Variants in HK2 observed in about 807,000 individuals in gnomAD.
HK2 encodes the protein hexokinase-2.
In HK2, 42 loss-of-function variants were observed where a neutral mutation model predicts 92.9. That is an observed-to-expected ratio of 0.45 (90% CI 0.35 to 0.58). The LOEUF (loss-of-function observed/expected upper bound fraction) is 0.58, where lower values mean the gene tolerates loss of function less well. HK2 is among the 20% of genes least tolerant of loss of function. The pLI is 0.00. For synonymous variants in HK2, 422 were observed against 468.0 expected, an observed-to-expected ratio of 0.90 and a Z score of 1.27; for missense variants, 978 against 1,245.1, an observed-to-expected ratio of 0.79 and a Z score of 3.23.
Position 74,880,585 on chromosome 2 carries a change from G to T in HK2, c.1570+16G>T. 3 of 1,611,016 alleles carry T rather than the reference G, an allele frequency of 1.9e-6. No homozygotes were observed. The highest frequency in any genetic ancestry group is 2.5e-6 in the Non-Finnish European group (3 of 1,178,084). ...GACGGCACAGGTACACGGCAGGGTTGCCACCTGGCTCACATGGTGGGCCTT... is the reference window on the plus strand; with the variant it reads ...GACGGCACAGGTACACGGCAGGGTTTCCACCTGGCTCACATGGTGGGCCTT... On this transcript the variant is annotated intron_variant, in intron 10 of 17. Transcript: ENST00000290573.
chr2:74,887,960 C>T lies in HK2; in HGVS notation c.2277C>T (p.Ile759=), dbSNP rs145772624. Residue 759 remains isoleucine, a synonymous_variant, in exon 16 of 18, where the codon ATC becomes ATT. Transcript: ENST00000290573. The part of the protein sequence containing the change: ...YLGEIVRNIL[I]DFTKRGLLFR... ...GTGAGATTGTCCGTAACATTCTCAT[C>T]GATTTCACCAAGCGTGGACTACTCT... 1.1e-4 allele frequency: 183 copies of T among 1,614,022 alleles called. No individual in the cohort carries two copies. In the African/African-American group the frequency reaches 2.2e-3, roughly 20 times the overall value.
At chr2:74,844,818 C>CTGT in intron 1 of HK2, among the ~76,000 whole-genome samples, 1 of 152,170 alleles carries the variant, frequency 6.6e-6, no homozygotes, top group East Asian at 1.9e-4. Context: ...GAGCAAGGCC[C>CTGT]GACACAGAGC....
intron 1 of HK2, among the ~76,000 whole-genome samples, chr2:74,851,690 G>T (rs1558790642): frequency 2.0e-5 from 3 of 152,164 alleles, no homozygotes; most frequent in Non-Finnish European, 4.4e-5. Flanking sequence ...GGGGCACCAA[G>T]AAGCTTCTGG....
intron 2 of HK2, among the ~76,000 whole-genome samples, chr2:74,858,066 A>G (rs1032943703): frequency 2.6e-5 from 4 of 152,312 alleles, no homozygotes; most frequent in Non-Finnish European, 4.4e-5. Context: ...ATCTAGAGGG[A>G]GCCAATTTTT....
At chr2:74,890,250 C>G (rs1329808896) in intron 17 of HK2, among the ~76,000 whole-genome samples, 1 of 152,230 alleles carries the variant, frequency 6.6e-6, no homozygotes, top group African/African-American at 2.4e-5. Context: ...TCACAACTCT[C>G]TCTTTCTCTG....
At chr2:74,874,126 T>C (rs1689166448) in intron 6 of HK2, 140 bp from the exon 7 acceptor site, 1 of 1,087,142 alleles carries the variant, frequency 9.2e-7, no homozygotes, top group Non-Finnish European at 1.4e-6. Context: ...GATTAGACCA[T>C]GTATTGTGAT....
Position 74,887,995 on chromosome 2 carries a change from G to A in HK2, c.2312G>A (p.Arg771His), listed in dbSNP as rs761032136. 9.3e-6 allele frequency: 15 copies of A among 1,614,036 alleles called. No homozygotes were observed. Among genetic ancestry groups the A allele is most frequent in the African/African-American group, 5.3e-5 (4 of 74,938 alleles). Residue 771 changes from arginine (R) to histidine (H), a missense_variant, in exon 16 of 18, where the codon CGC (arginine) becomes CAC (histidine). By Grantham distance (29) the Arg-to-His change is conservative (BLOSUM62 0). Transcript: ENST00000290573. ...AAGCGTGGACTACTCTTCCGAGGCC[G>A]CATCTCAGAGCGGCTCAAGACAAGG... The part of the protein sequence containing the change: ...FTKRGLLFRG[R>H]ISERLKTRGI...
At chr2:74,867,457 AT>A (rs1408383526) in intron 2 of HK2, among the ~76,000 whole-genome samples, 178 bp from the exon 3 acceptor site, 1 of 152,174 alleles carries the variant, frequency 6.6e-6, no homozygotes. Flanking sequence ...AATTAAAAAA[AT>A]AATAATGTAA....
At chr2:74,887,818 T>A in intron 15 of HK2, 85 bp from the exon 16 acceptor site, 1 of 1,271,012 alleles carries the variant, frequency 7.9e-7, no homozygotes, top group Non-Finnish European at 1.1e-6. Flanking sequence ...GCTGATGCAC[T>A]GGGGGTGACT....
intron 2 of HK2, among the ~76,000 whole-genome samples, chr2:74,855,635 G>C (rs1359108767): frequency 6.6e-6 from 1 of 152,220 alleles, no homozygotes; most frequent in Non-Finnish European, 1.5e-5. Flanking sequence ...CAGTGGATTA[G>C]GGCTAGGTCA....
At chr2:74,884,972 C>T (rs1271927463) in intron 12 of HK2, among the ~76,000 whole-genome samples, 1 of 152,174 alleles carries the variant, frequency 6.6e-6, no homozygotes, top group Non-Finnish European at 1.5e-5. Context: ...ACTTGTTCGC[C>T]AGATGCTGGA....
In HK2 at chr2:74,887,639, C is replaced by T. The variant is rs540380330; in HGVS notation, c.2220-264C>T. 4.6e-5 allele frequency among the ~76,000 whole-genome samples: 7 copies of T among 152,106 alleles called. No individual in the cohort carries two copies. In the South Asian group the frequency reaches 1.5e-3, roughly 32 times the overall value. On this transcript the variant is annotated intron_variant, in intron 15 of 17. Coordinates refer to ENST00000290573, the MANE Select transcript of HK2 (RefSeq NM_000189.5). The stretch of plus-strand genomic sequence containing the variant: ...TTGGAAAGGAAATGAGTTCCTTTCC[C>T]TGTGGGTTCCTTTCCAAGGCTTATT...
chr2:74,874,361 G>T lies in HK2; in HGVS notation c.787G>T (p.Ala263Ser), dbSNP rs1430788561. ...GATGTGTATCAATATGGAGTGGGGG[G>T]CCTTCGGGGACGATGGCTCGCTCAA... is the stretch of plus-strand genomic sequence containing the variant. ...GRMCINMEWG[A>S]FGDDGSLNDI... Residue 263 changes from alanine to serine, a missense_variant, in exon 7 of 18, where the codon GCC (alanine) becomes TCC (serine). Physicochemically the swap from Ala to Ser is moderately conservative, Grantham distance 99. This residue lies in a region of HK2 where 742 missense variants were observed against 922.5 expected (regional missense o/e 0.80). Coordinates refer to ENST00000290573, the MANE Select transcript of HK2 (RefSeq NM_000189.5). 1 of 1,614,016 alleles carries T rather than the reference G, an allele frequency of 6.2e-7. No individual in the cohort carries two copies. Among genetic ancestry groups the T allele is most frequent in the Non-Finnish European group, 8.5e-7 (1 of 1,180,008 alleles).
At chr2:74,848,899 T>C (rs1211235905) in intron 1 of HK2, among the ~76,000 whole-genome samples, 1 of 152,210 alleles carries the variant, frequency 6.6e-6, no homozygotes, top group African/African-American at 2.4e-5. Flanking sequence ...ATCCAGATTC[T>C]AGTTTCAACT....
At chr2:74,844,964 G>A (rs1688403398) in intron 1 of HK2, among the ~76,000 whole-genome samples, 1 of 152,194 alleles carries the variant, frequency 6.6e-6, no homozygotes, top group African/African-American at 2.4e-5. Context: ...CTAGTATTGA[G>A]ATAGCTGCTG....
In HK2 at chr2:74,892,676, T is replaced by G. The variant is rs1215401844; in HGVS notation, c.*1735T>G. ...GATCAGAATGGAAAGAAACTCACGA[T>G]GAAATTGAACCTGGTTTTTGTATAT... On this transcript the variant is annotated 3_prime_UTR_variant, in exon 18 of 18. Coordinates refer to ENST00000290573, the MANE Select transcript of HK2 (RefSeq NM_000189.5). The G allele has an allele frequency of 6.6e-6, 1 of 152,262 alleles. No individual in the cohort carries two copies. Among genetic ancestry groups the G allele is most frequent in the Non-Finnish European group, 1.5e-5 (1 of 68,050 alleles). 9.4% of individuals were successfully genotyped at this position (152,262 alleles called of 1,614,324 possible). A position where few individuals can be genotyped will look rare whatever the true frequency, so the allele number is the denominator to read the frequency against.
In HK2 at chr2:74,866,882, T is replaced by G. The variant is rs1199364313; in HGVS notation, c.227-754T>G. Among the ~76,000 whole-genome samples, 4 of 152,174 alleles carry G rather than the reference T, an allele frequency of 2.6e-5. 1 individual carries two copies. The highest frequency in any genetic ancestry group is 3.8e-4 in the East Asian group (2 of 5,202). ...TCATTCCACTCCATCACATGACCCC[T>G]CTGGTCTTGCTGCAGGACATGGCCC... On this transcript the variant is annotated intron_variant, in intron 2 of 17. Transcript: ENST00000290573.
At chr2:74,885,721 C>A in intron 13 of HK2, 132 bp downstream of exon 13, 1 of 723,810 alleles carries the variant, frequency 1.4e-6, no homozygotes, top group Non-Finnish European at 2.5e-6. Flanking sequence ...AAGCGTCGTT[C>A]AGCAGTTTAG....
Position 74,859,804 on chromosome 2 carries a change from C to T in HK2, c.226+5349C>T, listed in dbSNP as rs1688778761. ...ACTAAAAATAGAACTGCCATTCCAT[C>T]CAGCAATCTCACTATTGAGTATCTA... On this transcript the variant is annotated intron_variant, in intron 2 of 17. Transcript: ENST00000290573. Among the ~76,000 whole-genome samples, 5 of 152,254 alleles carry T rather than the reference C, an allele frequency of 3.3e-5. No homozygotes were observed. In the South Asian group the frequency reaches 1.0e-3, roughly 32 times the overall value.
Sources: gnomAD v4.1 joint callset for allele counts (sites outside exome capture counted in the v4.1 genomes callset) on GRCh38, gnomAD v4.1.1 for gene constraint, gnomAD v4.1.1 regional missense constraint, MANE v1.5 for transcripts, NCBI Gene and HGNC (gene_info 2026-07-23, HGNC 2026-07-21) for gene names.